The following OR6X1 variants were observed in gnomAD, a reference collection of about 807,000 sequenced individuals.
OR6X1 encodes the protein olfactory receptor 6X1.
For missense variants in OR6X1, 354 were observed against 372.2 expected (o/e 0.95, Z 0.40); for synonymous variants, 160 against 149.8 (o/e 1.07, Z -0.50).
rs1329250060 is a variant in OR6X1, at chr11:123,754,481, A to G, written c.38T>C (p.Leu13Pro). The G allele has an allele frequency of 6.2e-7, 1 of 1,611,504 alleles. No individual in the cohort carries two copies. Among genetic ancestry groups the G allele is most frequent in the Admixed American group, 1.7e-5 (1 of 59,776 alleles). ...TAGGCCTTGGATAACAGGAAAGCCT[A>G]GCAGGATGAATTCTGTGATTACTGT... ...NGTVITEFIL[L>P]GFPVIQGLQT... The change falls in exon 1 of 1, where the codon CTA becomes CCA. Residue 13 changes from leucine (L) to proline (P), a missense_variant. Coordinates refer to ENST00000327930, the MANE Select transcript of OR6X1 (RefSeq NM_001005188.1).
chr11:123,753,995 A>T lies in OR6X1; in HGVS notation c.524T>A (p.Phe175Tyr), dbSNP rs1862022441. 1.2e-6 allele frequency: 2 copies of T among 1,614,090 alleles called. No homozygotes were observed. Residue 175 changes from phenylalanine to tyrosine, a missense_variant, in exon 1 of 1, where the codon TTC (phenylalanine) becomes TAC (tyrosine). By Grantham distance (22) the Phe-to-Tyr change is conservative (BLOSUM62 3). Coordinates refer to ENST00000327930, the MANE Select transcript of OR6X1 (RefSeq NM_001005188.1). Reference protein sequence around the residue: ...PFCGNNVISHFYCDVGPSLKA... With the variant: ...PFCGNNVISHYYCDVGPSLKA... ...CAAACTGGGCCCAACATCACAGTAG[A>T]AATGACTGATAACATTATTGCCACA...
rs1402182012 is a variant in OR6X1 at position 123,753,672 on chromosome 11, G to C, written c.847C>G (p.Leu283Val). ...CTAATAGTATAAATAAAGGGATTCA[G>C]AAGGGGGGTGAGGATAGTATTTAGC... ...SVLNTILTPL[L>V]NPFIYTIRNK... is the part of the protein sequence containing the mutation. Residue 283 changes from leucine (L) to valine (V), a missense_variant, in exon 1 of 1, where the codon CTG (leucine) becomes GTG (valine). Leu to Val is a conservative substitution (Grantham distance 32). Coordinates refer to ENST00000327930, the MANE Select transcript of OR6X1 (RefSeq NM_001005188.1). 1 of 1,613,800 alleles carries C rather than the reference G, an allele frequency of 6.2e-7. No homozygotes were observed. Among genetic ancestry groups the C allele is most frequent in the East Asian group, 2.2e-5 (1 of 44,864 alleles).
chr11:123,753,899 C>T lies in OR6X1; in HGVS notation c.620G>A (p.Gly207Glu), dbSNP rs1259767691. ...GVIATILVIP[G>E]SLLFNMISYI... is the part of the protein sequence containing the mutation. ...AGAAATCATATTAAAGAGAAGTGACCCTGGGATCACAAGGATGGTTGCTAT... is the reference window on the plus strand; with the variant it reads ...AGAAATCATATTAAAGAGAAGTGACTCTGGGATCACAAGGATGGTTGCTAT... The change falls in exon 1 of 1, where the codon GGG becomes GAG. Residue 207 changes from glycine (G) to glutamate (E), a missense_variant. Gly to Glu is a moderately conservative substitution (Grantham distance 98, BLOSUM62 -2). Coordinates refer to ENST00000327930, the MANE Select transcript of OR6X1 (RefSeq NM_001005188.1). 1 of 1,614,080 alleles carries T rather than the reference C, an allele frequency of 6.2e-7. No homozygotes were observed. The highest frequency in any genetic ancestry group is 8.5e-7 in the Non-Finnish European group (1 of 1,180,010).
At position 123,753,690 on chromosome 11, in the gene OR6X1, T is replaced by C. The variant is rs1358802869; in HGVS notation, c.829A>G (p.Thr277Ala). The C allele has an allele frequency of 1.2e-6, 2 of 1,613,870 alleles. No homozygotes were observed. The highest frequency in any genetic ancestry group is 1.7e-6 in the Non-Finnish European group (2 of 1,179,926). Residue 277 changes from threonine (T) to alanine (A), a missense_variant, in exon 1 of 1, where the codon ACT becomes GCT. Transcript: ENST00000327930. ...GGATTCAGAAGGGGGGTGAGGATAG[T>C]ATTTAGCACAGACACCACCTTATTA... is the stretch of plus-strand genomic sequence containing the variant. The part of the protein sequence containing the change: ...KINKVVSVLN[T>A]ILTPLLNPFI...
chr11:123,754,294 G>A lies in OR6X1; in HGVS notation c.225C>T (p.Val75=). 1 of 1,614,016 alleles carries A rather than the reference G, an allele frequency of 6.2e-7. No homozygotes were observed. Among genetic ancestry groups the A allele is most frequent in the Non-Finnish European group, 8.5e-7 (1 of 1,179,886 alleles). Residue 75 remains valine, a synonymous_variant, in exon 1 of 1, where the codon GTC becomes GTT. Coordinates refer to ENST00000327930, the MANE Select transcript of OR6X1 (RefSeq NM_001005188.1). The part of the protein sequence containing the change: ...SFLEIWYTTT[V]IPKLLGTFVV... The stretch of plus-strand genomic sequence containing the variant: ...CAAAGGTTCCTAGCAGTTTGGGGAT[G>A]ACTGTGGTGGTGTACCAGATTTCTA...
In OR6X1 at chr11:123,753,788, G is replaced by A. The variant is rs778255990; in HGVS notation, c.731C>T (p.Thr244Ile). ...KTFSTCASHL[T>I]VVSLLYGAVL... The stretch of plus-strand genomic sequence containing the variant: ...AGCCCCGTAGAGCAGGGAGACAACT[G>A]TCAGGTGCGAGGCACAGGTAGAGAA... Residue 244 changes from threonine to isoleucine, a missense_variant, in exon 1 of 1, where the codon ACA (threonine) becomes ATA (isoleucine). Physicochemically the swap from Thr to Ile is moderately conservative, Grantham distance 89. Transcript: ENST00000327930. 20 of 1,614,036 alleles carry A rather than the reference G, an allele frequency of 1.2e-5. No individual in the cohort carries two copies. In the African/African-American group the frequency reaches 2.1e-4, roughly 17 times the overall value.
In OR6X1 at chr11:123,754,454, T is replaced by C. The variant is rs140171851; in HGVS notation, c.65A>G (p.Gln22Arg). 1.2e-5 allele frequency: 20 copies of C among 1,613,948 alleles called. No homozygotes were observed. In the African/African-American group the frequency reaches 2.4e-4, roughly 19 times the overall value. Residue 22 changes from glutamine to arginine, a missense_variant, in exon 1 of 1, where the codon CAA becomes CGA. By Grantham distance (43) the Gln-to-Arg change is conservative (BLOSUM62 1). Coordinates refer to ENST00000327930, the MANE Select transcript of OR6X1 (RefSeq NM_001005188.1). ...AAAGATTGCAATAAAGAGAGGTGTT[T>C]GTAGGCCTTGGATAACAGGAAAGCC... Reference protein sequence around the residue: ...LLGFPVIQGLQTPLFIAIFLT... With the variant: ...LLGFPVIQGLRTPLFIAIFLT...
At position 123,753,787 on chromosome 11, in the gene OR6X1, T is replaced by C. The variant is rs372669355; in HGVS notation, c.732A>G (p.Thr244=). ...CAGCCCCGTAGAGCAGGGAGACAAC[T>C]GTCAGGTGCGAGGCACAGGTAGAGA... is the stretch of plus-strand genomic sequence containing the variant. ...KTFSTCASHL[T]VVSLLYGAVL... The change falls in exon 1 of 1, where the codon ACA becomes ACG. Residue 244 remains threonine, a synonymous_variant. Transcript: ENST00000327930. 2.3e-5 allele frequency: 37 copies of C among 1,614,048 alleles called. No homozygotes were observed. The highest frequency in any genetic ancestry group is 5.3e-5 in the African/African-American group (4 of 74,930).
chr11:123,754,413 T>C lies in OR6X1; in HGVS notation c.106A>G (p.Thr36Ala). 6.2e-7 allele frequency: 1 copy of C among 1,613,800 alleles called. No homozygotes were observed. The highest frequency in any genetic ancestry group is 8.5e-7 in the Non-Finnish European group (1 of 1,179,790). ...FIAIFLTYIL[T>A]LAGNGLIIAT... ...ATAATAAGCCCATTGCCTGCAAGGGTTAATATGTAGGTGAGAAAGATTGCA... is the reference window on the plus strand; with the variant it reads ...ATAATAAGCCCATTGCCTGCAAGGGCTAATATGTAGGTGAGAAAGATTGCA... Residue 36 changes from threonine (T) to alanine (A), a missense_variant, in exon 1 of 1, where the codon ACC becomes GCC. By Grantham distance (58) the Thr-to-Ala change is moderately conservative (BLOSUM62 0). Coordinates refer to ENST00000327930, the MANE Select transcript of OR6X1 (RefSeq NM_001005188.1).
rs750922179 is a variant in OR6X1 at position 123,754,095 on chromosome 11, G to A, written c.424C>T (p.Leu142=). ...TIMTSKLCLQ[L]ALSSWVVGFT... ...CCCACCACCCAGGAGCTCAGGGCCA[G>A]CTGCAGGCAGAGTTTGCTGGTCATG... is the stretch of plus-strand genomic sequence containing the variant. Residue 142 remains leucine, a synonymous_variant, in exon 1 of 1, where the codon CTG becomes TTG. Transcript: ENST00000327930. 6 of 1,614,146 alleles carry A rather than the reference G, an allele frequency of 3.7e-6. No individual in the cohort carries two copies. Among genetic ancestry groups the A allele is most frequent in the Non-Finnish European group, 4.2e-6 (5 of 1,180,034 alleles).
rs1455146259 is a variant in OR6X1 at position 123,754,270 on chromosome 11, A to G, written c.249T>C (p.Phe83=). The G allele has an allele frequency of 1.9e-6, 3 of 1,614,190 alleles. No individual in the cohort carries two copies. Among genetic ancestry groups the G allele is most frequent in the Non-Finnish European group, 2.5e-6 (3 of 1,180,018 alleles). ...TTVIPKLLGT[F]VVARTVICMS... ...TGCAGATTACTGTTCTTGCCACTAC[A>G]AAGGTTCCTAGCAGTTTGGGGATGA... is the stretch of plus-strand genomic sequence containing the variant. The change falls in exon 1 of 1, where the codon TTT becomes TTC. Residue 83 remains phenylalanine (F), a synonymous_variant. Transcript: ENST00000327930.
Position 123,753,935 on chromosome 11 carries a change from A to G in OR6X1, c.584T>C (p.Leu195Pro). 2 of 1,614,184 alleles carry G rather than the reference A, an allele frequency of 1.2e-6. No individual in the cohort carries two copies. Among genetic ancestry groups the G allele is most frequent in the Non-Finnish European group, 1.7e-6 (2 of 1,180,014 alleles). ...AAGGATGGTTGCTATGACGCCCAGG[A>G]GTTCCAAAATGCTGGTGTCTATGCA... is the stretch of plus-strand genomic sequence containing the variant. Reference protein sequence around the residue: ...AACIDTSILELLGVIATILVI... With the variant: ...AACIDTSILEPLGVIATILVI... Residue 195 changes from leucine to proline, a missense_variant, in exon 1 of 1, where the codon CTC (leucine) becomes CCC (proline). Transcript: ENST00000327930.
In OR6X1 at chr11:123,754,121, A is replaced by G. The variant is rs1862024030; in HGVS notation, c.398T>C (p.Ile133Thr). The change falls in exon 1 of 1, where the codon ATC becomes ACC. Residue 133 changes from isoleucine to threonine, a missense_variant. Physicochemically the swap from Ile to Thr is moderately conservative, Grantham distance 89 (BLOSUM62 -1). Coordinates refer to ENST00000327930, the MANE Select transcript of OR6X1 (RefSeq NM_001005188.1). ...TICNPLHHPTIMTSKLCLQLA... is the reference protein window; with the variant it reads ...TICNPLHHPTTMTSKLCLQLA... Reference sequence around the variant, plus strand: ...CTGCAGGCAGAGTTTGCTGGTCATGATGGTGGGGTGGTGAAGGGGATTGCA... The same window carrying G: ...CTGCAGGCAGAGTTTGCTGGTCATGGTGGTGGGGTGGTGAAGGGGATTGCA... The G allele has an allele frequency of 6.2e-7, 1 of 1,613,976 alleles. No individual in the cohort carries two copies. The highest frequency in any genetic ancestry group is 8.5e-7 in the Non-Finnish European group (1 of 1,180,028).
At position 123,753,990 on chromosome 11, in the gene OR6X1, A is replaced by T; in HGVS notation, c.529T>A (p.Cys177Ser). ...GCTTTCAAACTGGGCCCAACATCAC[A>T]GTAGAAATGACTGATAACATTATTG... ...CGNNVISHFY[C>S]DVGPSLKAAC... The change falls in exon 1 of 1, where the codon TGT (cysteine) becomes AGT (serine). Residue 177 changes from cysteine to serine, a missense_variant. Physicochemically the swap from Cys to Ser is moderately radical, Grantham distance 112. Transcript: ENST00000327930. The T allele has an allele frequency of 6.2e-7, 1 of 1,614,228 alleles. No homozygotes were observed.
Position 123,754,038 on chromosome 11 carries a change from G to A in OR6X1, c.481C>T (p.Leu161Phe). Residue 161 changes from leucine (L) to phenylalanine (F), a missense_variant, in exon 1 of 1, where the codon CTC becomes TTC. Leu to Phe is a conservative substitution (Grantham distance 22). Transcript: ENST00000327930. ...TTGCCACAGAATGGCAACTGGATGA[G>A]CAGCATCGTCTGACAAAAGACAATG... The part of the protein sequence containing the change: ...FTIVFCQTML[L>F]IQLPFCGNNV... 1 of 1,614,146 alleles carries A rather than the reference G, an allele frequency of 6.2e-7. No individual in the cohort carries two copies. The highest frequency in any genetic ancestry group is 8.5e-7 in the Non-Finnish European group (1 of 1,180,022).
chr11:123,754,418 A>G lies in OR6X1; in HGVS notation c.101T>C (p.Ile34Thr), dbSNP rs755802749. ...PLFIAIFLTY[I>T]LTLAGNGLII... is the part of the protein sequence containing the mutation. ...AAGCCCATTGCCTGCAAGGGTTAAT[A>G]TGTAGGTGAGAAAGATTGCAATAAA... Residue 34 changes from isoleucine (I) to threonine (T), a missense_variant, in exon 1 of 1, where the codon ATA becomes ACA. Physicochemically the swap from Ile to Thr is moderately conservative, Grantham distance 89. Transcript: ENST00000327930. 1.2e-6 allele frequency: 2 copies of G among 1,614,118 alleles called. No individual in the cohort carries two copies. Among genetic ancestry groups the G allele is most frequent in the Non-Finnish European group, 8.5e-7 (1 of 1,179,940 alleles).
Position 123,754,327 on chromosome 11 carries a change from C to T in OR6X1, c.192G>A (p.Leu64=). 6.2e-7 allele frequency: 1 copy of T among 1,614,014 alleles called. No individual in the cohort carries two copies. The highest frequency in any genetic ancestry group is 1.7e-5 in the Admixed American group (1 of 60,002). The change falls in exon 1 of 1, where the codon TTG becomes TTA. Residue 64 remains leucine, a synonymous_variant. Coordinates refer to ENST00000327930, the MANE Select transcript of OR6X1 (RefSeq NM_001005188.1). ...QIPMYFFLCN[L]SFLEIWYTTT... Reference sequence around the variant, plus strand: ...TGGTGTACCAGATTTCTAAGAAAGACAAGTTACAAAGGAAGAAGTACATTG... The same window carrying T: ...TGGTGTACCAGATTTCTAAGAAAGATAAGTTACAAAGGAAGAAGTACATTG...
chr11:123,753,651 T>C lies in OR6X1; in HGVS notation c.868A>G (p.Ile290Val), dbSNP rs914431572. ...TPLLNPFIYTIRNKEVKGALR... is the reference protein window; with the variant it reads ...TPLLNPFIYTVRNKEVKGALR... ...GCTCCCTTCACCTCCTTGTTTCTAATAGTATAAATAAAGGGATTCAGAAGG... is the reference window on the plus strand; with the variant it reads ...GCTCCCTTCACCTCCTTGTTTCTAACAGTATAAATAAAGGGATTCAGAAGG... The change falls in exon 1 of 1, where the codon ATT becomes GTT. Residue 290 changes from isoleucine (I) to valine (V), a missense_variant. Coordinates refer to ENST00000327930, the MANE Select transcript of OR6X1 (RefSeq NM_001005188.1). 3 of 1,611,718 alleles carry C rather than the reference T, an allele frequency of 1.9e-6. No homozygotes were observed. The highest frequency in any genetic ancestry group is 1.3e-5 in the African/African-American group (1 of 74,752).
chr11:123,754,316 T>A lies in OR6X1; in HGVS notation c.203A>T (p.Glu68Val). 1.2e-6 allele frequency: 2 copies of A among 1,613,956 alleles called. No individual in the cohort carries two copies. Among genetic ancestry groups the A allele is most frequent in the South Asian group, 1.1e-5 (1 of 91,068 alleles). The change falls in exon 1 of 1, where the codon GAA (glutamate) becomes GTA (valine). Residue 68 changes from glutamate (E) to valine (V), a missense_variant. By Grantham distance (121) the Glu-to-Val change is moderately radical. Coordinates refer to ENST00000327930, the MANE Select transcript of OR6X1 (RefSeq NM_001005188.1). ...GATGACTGTGGTGGTGTACCAGATT[T>A]CTAAGAAAGACAAGTTACAAAGGAA... is the stretch of plus-strand genomic sequence containing the variant. The part of the protein sequence containing the change: ...YFFLCNLSFL[E>V]IWYTTTVIPK...
Sources: gnomAD v4.1 joint callset for allele counts on GRCh38, gnomAD v4.1.1 for gene constraint, MANE v1.5 for transcripts, NCBI Gene and HGNC (gene_info 2026-07-23, HGNC 2026-07-21) for gene names.